EMG1: variants seen among roughly 807,000 people sequenced by gnomAD.
EMG1 encodes the protein ribosomal RNA small subunit methyltransferase NEP1.
A neutral mutation model predicts 26.9 loss-of-function variants in EMG1; 24 were observed. That is an observed-to-expected ratio of 0.89 (90% CI 0.65 to 1.26). The LOEUF (loss-of-function observed/expected upper bound fraction) is 1.26, where lower values mean the gene tolerates loss of function less well. Among genes scored for constraint, EMG1 ranks in the 50% most tolerant of loss-of-function variants. The pLI is 0.00. For missense variants in EMG1, 299 were observed against 307.6 expected (o/e 0.97, Z 0.21); for synonymous variants, 140 against 112.6 (o/e 1.24, Z -1.54).
At chr12:6,975,428 T>C (rs1555153018) in intron 5 of EMG1, 50 bp downstream of exon 5, 1 of 1,529,546 alleles carries the variant, frequency 6.5e-7, no homozygotes. Context: ...GAACTTAGTA[T>C]AGAATTCCCA....
At chr12:6,989,252 A>T (rs1422091894), downstream of EMG1, among the ~76,000 whole-genome samples, 2 of 151,672 alleles carry the variant, frequency 1.3e-5, no homozygotes, top group Non-Finnish European at 2.9e-5. Flanking sequence ...TCCAAACCTG[A>T]GGATCTTCTA....
chr12:6,971,031 C>T lies in EMG1; in HGVS notation c.108C>T (p.Asn36=), dbSNP rs782250795. Residue 36 remains asparagine, a synonymous_variant, in exon 1 of 6, where the codon AAC becomes AAT. Coordinates refer to ENST00000599672, the MANE Select transcript of EMG1 (RefSeq NM_006331.8). ...PPKRPRLGAG[N]KIGGRRLIVV... ...AGCGGCCCCGACTAGGGGCAGGAAA[C>T]AAGATCGGAGGCCGTAGGCTTATTG... 3 of 1,611,838 alleles carry T rather than the reference C, an allele frequency of 1.9e-6. No individual in the cohort carries two copies. In the East Asian group the frequency reaches 6.7e-5, roughly 36 times the overall value.
chr12:6,981,801 C>G (rs1555154125), downstream of EMG1: 1 of 1,607,282 alleles, frequency 6.2e-7, no homozygotes, highest in South Asian at 1.1e-5. Context: ...AGGCAGTGAC[C>G]ATCACTCACC....
chr12:6,990,552 A>AATAC (rs1220782424), downstream of EMG1, among the ~76,000 whole-genome samples: 1 of 145,026 alleles, frequency 6.9e-6, no homozygotes, highest in African/African-American at 2.6e-5. Flanking sequence ...TAAATAAATA[A>AATAC]ATAAATAAAT....
intron 7 of EMG1, among the ~76,000 whole-genome samples, chr12:6,994,294 G>A (rs1007166750): frequency 2.6e-5 from 4 of 151,742 alleles, no homozygotes; most frequent in Non-Finnish European, 4.4e-5. Flanking sequence ...GGCAACCTCC[G>A]CTTCCCAGGT....
downstream of EMG1, among the ~76,000 whole-genome samples, chr12:6,988,786 C>G (rs1361270299): frequency 6.6e-6 from 1 of 152,114 alleles, no homozygotes; most frequent in Non-Finnish European, 1.5e-5. Context: ...GGGTTGATGC[C>G]TTACCTTTAT....
Position 6,987,900 on chromosome 12 carries a change from G to A in EMG1, c.*211+62G>A. The A allele has an allele frequency of 2.5e-6, 1 of 400,506 alleles. No homozygotes were observed. The highest frequency in any genetic ancestry group is 4.4e-6 in the Non-Finnish European group (1 of 226,122). The allele number at this position is 400,506 out of a possible 1,614,324, so 24.8% of individuals were successfully genotyped here. A position where few individuals can be genotyped will look rare whatever the true frequency, so the allele number is the denominator to read the frequency against. On this transcript the variant is annotated intron_variant and NMD_transcript_variant, in intron 7 of 7. Coordinates refer to the EMG1 transcript ENST00000261406. This position sits in a 1 kb window ranked among gnomAD's most constrained non-coding sequence, Gnocchi z 4.1. ...ACACTGTCCTGAGTTCTGAGTTCTT[G>A]TGTCCACTTCTTATAGCCTGTCTGT...
rs782117795 is a variant in EMG1, at chr12:6,977,345, T to C, written c.*1536T>C. The C allele has an allele frequency of 3.1e-6, 5 of 1,613,928 alleles. No individual in the cohort carries two copies. In the South Asian group the frequency reaches 4.4e-5, roughly 14 times the overall value. ...AGGTTGCAGTGAGTCCCTCCCAGTC[T>C]CACAAGCAGGCCTTCACTTGCCTTA... On this transcript the variant is annotated 3_prime_UTR_variant, in exon 6 of 6. Transcript: ENST00000599672. The surrounding 1 kb of genome is among the most constrained non-coding windows in gnomAD (Gnocchi z 4.5).
downstream of EMG1, chr12:6,981,336 C>G: frequency 2.9e-6 from 2 of 693,066 alleles, no homozygotes; most frequent in South Asian, 1.9e-5. Context: ...TGTGGAAATG[C>G]GTATGTGTGT....
Position 6,979,534 on chromosome 12 carries a change from T to C in EMG1, c.*3725T>C, listed in dbSNP as rs1056259216. ...GGGGGCTGAGCAGTGTGTAGCCCAC[T>C]AGGTAGAAAAGGCCCAGACTCAGGC... is the stretch of plus-strand genomic sequence containing the variant. On this transcript the variant is annotated 3_prime_UTR_variant, in exon 6 of 6. Transcript: ENST00000599672. 2.5e-6 allele frequency: 4 copies of C among 1,614,134 alleles called. No individual in the cohort carries two copies. The Admixed American group carries it at 5.0e-5, about 20-fold the overall frequency.
Position 6,977,520 on chromosome 12 carries a change from G to A in EMG1, c.*1711G>A, listed in dbSNP as rs782116568. On this transcript the variant is annotated 3_prime_UTR_variant, in exon 6 of 6. Coordinates refer to ENST00000599672, the MANE Select transcript of EMG1 (RefSeq NM_006331.8). The surrounding 1 kb of genome is among the most constrained non-coding windows in gnomAD (Gnocchi z 4.5). Reference sequence around the variant, plus strand: ...GGGTGGGGCTCTCTTGAATGAGCCTGGCAGCCTGGGGAGGGAGGAGGAGCT... The same window carrying A: ...GGGTGGGGCTCTCTTGAATGAGCCTAGCAGCCTGGGGAGGGAGGAGGAGCT... 1 of 1,614,186 alleles carries A rather than the reference G, an allele frequency of 6.2e-7. No individual in the cohort carries two copies. Among genetic ancestry groups the A allele is most frequent in the Non-Finnish European group, 8.5e-7 (1 of 1,180,042 alleles).
chr12:6,978,519 T>TA lies in EMG1; in HGVS notation c.*2711dup, dbSNP rs1565596774. 2 of 1,611,944 alleles carry TA rather than the reference T, an allele frequency of 1.2e-6. No individual in the cohort carries two copies. Among genetic ancestry groups the TA allele is most frequent in the South Asian group, 2.2e-5 (2 of 90,956 alleles). ...ATGCATACTCCTTCCTGAGAGGGAA[T>TA]AGCTCAGTTAGGGCTCTTGCCACTC... On this transcript the variant is annotated 3_prime_UTR_variant, in exon 6 of 6. Transcript: ENST00000599672.
Position 6,976,847 on chromosome 12 carries a change from G to C in EMG1, c.*1038G>C, listed in dbSNP as rs937292627. On this transcript the variant is annotated 3_prime_UTR_variant, in exon 6 of 6. Transcript: ENST00000599672. ...CTGCTCTGGGGCAAAGGAGTGCTGT[G>C]AAAAGGGAGACGAGTAGTTTCTGCA... is the stretch of plus-strand genomic sequence containing the variant. 1.8e-5 allele frequency: 5 copies of C among 281,252 alleles called. No homozygotes were observed. The highest frequency in any genetic ancestry group is 2.2e-5 in the African/African-American group (1 of 46,372). The allele number at this position is 281,252 out of a possible 1,614,324, so 17.4% of individuals were successfully genotyped here.
At chr12:6,992,623 T>G (rs1327562386), downstream of EMG1, among the ~76,000 whole-genome samples, 3 of 152,252 alleles carry the variant, frequency 2.0e-5, no homozygotes, top group East Asian at 5.8e-4. Context: ...ATGGACTGCA[T>G]GCTGATATGG....
intron 1 of EMG1, among the ~76,000 whole-genome samples, chr12:6,971,938 A>G (rs1946334980): frequency 6.6e-6 from 1 of 152,168 alleles, no homozygotes; most frequent in Admixed American, 6.5e-5. Context: ...GCAGTTCTCT[A>G]TCTTAAAGCC....
intron 7 of EMG1, among the ~76,000 whole-genome samples, chr12:6,994,471 G>T (rs1235697341): frequency 6.6e-6 from 1 of 152,096 alleles, no homozygotes; most frequent in Non-Finnish European, 1.5e-5. Context: ...GCGTCCCAAA[G>T]TGCTGGGATT....
At chr12:6,980,556 A>T (rs904668497), downstream of EMG1, among the ~76,000 whole-genome samples, 1 of 151,330 alleles carries the variant, frequency 6.6e-6, no homozygotes, top group Non-Finnish European at 1.5e-5. Flanking sequence ...GAGTCTCTCT[A>T]TGTTGCCAGG....
At position 6,971,109 on chromosome 12, in the gene EMG1, G is replaced by A; in HGVS notation, c.168+18G>A. ...CAGTCAAGGTAGTTTGGGACAGGAA[G>A]TGGAGAAGTAGTAAATCGATAGGTT... On this transcript the variant is annotated intron_variant, in intron 1 of 5. Coordinates refer to ENST00000599672, the MANE Select transcript of EMG1 (RefSeq NM_006331.8). 6.2e-7 allele frequency: 1 copy of A among 1,603,044 alleles called. No homozygotes were observed. The highest frequency in any genetic ancestry group is 8.5e-7 in the Non-Finnish European group (1 of 1,173,698).
downstream of EMG1, among the ~76,000 whole-genome samples, chr12:6,988,819 A>C (rs1328393140): frequency 6.6e-6 from 1 of 152,142 alleles, no homozygotes; most frequent in Non-Finnish European, 1.5e-5. Flanking sequence ...GGTTTGTAAC[A>C]ACCCAGAGGT....
Sources: allele counts gnomAD v4.1 joint callset (sites outside exome capture counted in the v4.1 genomes callset), GRCh38; gene constraint gnomAD v4.1.1; non-coding constraint Gnocchi (gnomAD v3.1); transcripts MANE v1.5; gene names NCBI Gene and HGNC (gene_info 2026-07-23, HGNC 2026-07-21).